Variants in WDPCP observed in about 807,000 individuals in gnomAD.
The protein encoded by WDPCP is WD repeat containing planar cell polarity effector.
WDPCP carries 71 observed loss-of-function variants against 93.1 expected under a neutral mutation model. That is an observed-to-expected ratio of 0.76 (90% confidence interval 0.63 to 0.93). The LOEUF is 0.93. Ranked by LOEUF, WDPCP falls within the 40% of genes least tolerant of loss-of-function variation. The pLI is 0.00. For missense variants in WDPCP, 844 were observed against 887.4 expected, an observed-to-expected ratio of 0.95 and a Z score of 0.62; for synonymous variants, 315 against 315.0, an observed-to-expected ratio of 1.00 and a Z score of 0.00.
intron 15 of WDPCP, among the ~76,000 whole-genome samples, chr2:63,164,819 T>G (rs998317156): frequency 5.3e-5 from 8 of 152,176 alleles, no homozygotes; most frequent in Non-Finnish European, 1.2e-4. Flanking sequence ...ATACTATTGT[T>G]GTTAAATTGA....
intron 7 of WDPCP, among the ~76,000 whole-genome samples, chr2:63,438,511 A>G (rs971093999): frequency 6.6e-6 from 1 of 152,096 alleles, no homozygotes; most frequent in African/African-American, 2.4e-5. Context: ...GAGCATCAAT[A>G]TAACAAAATC....
At position 63,126,565 on chromosome 2, in the gene WDPCP, C is replaced by CT. The variant is rs1207916340; in HGVS notation, c.2191-4510dup. Among the ~76,000 whole-genome samples the CT allele has an allele frequency of 7.9e-5, 12 of 151,752 alleles. No homozygotes were observed. The East Asian group carries it at 2.3e-3, about 29-fold the overall frequency. The stretch of plus-strand genomic sequence containing the variant: ...TGCTTCTCAAAGTAAACCTATTTCA[C>CT]TTTTTTGCCTTTGCCTTCCCAAATT... On this transcript the variant is annotated intron_variant, in intron 17 of 17. Coordinates refer to ENST00000272321, the MANE Select transcript of WDPCP (RefSeq NM_015910.7).
At chr2:63,268,773 G>A (rs886928656) in intron 13 of WDPCP, among the ~76,000 whole-genome samples, 2 of 152,050 alleles carry the variant, frequency 1.3e-5, no homozygotes, top group Middle Eastern at 3.2e-3. Context: ...ATAAGTCACT[G>A]CTCCTGGCCT....
At chr2:63,313,887 T>TATATATATA (rs1268057820) in intron 12 of WDPCP, among the ~76,000 whole-genome samples, 4 of 57,652 alleles carry the variant, frequency 6.9e-5, no homozygotes, top group Non-Finnish European at 1.5e-4. Flanking sequence ...TATATATATA[T>TATATATATA]TTTTTTTTTT....
chr2:63,313,445 T>A, intron 12 of WDPCP, 134 bp from the exon 13 acceptor site: 1 of 921,264 alleles, frequency 1.1e-6, no homozygotes, highest in Non-Finnish European at 1.7e-6. Context: ...CAGAAGGGAT[T>A]TGGCCTACTA....
chr2:63,549,985 CCA>C (rs1705460238), intron 1 of WDPCP, among the ~76,000 whole-genome samples: 1 of 152,094 alleles, frequency 6.6e-6, no homozygotes, highest in Non-Finnish European at 1.5e-5. Flanking sequence ...TCCCTCCACT[CCA>C]GACCTTTCTG....
intron 9 of WDPCP, among the ~76,000 whole-genome samples, chr2:63,413,598 C>CCTGACCT (rs1695179611): frequency 6.6e-6 from 1 of 152,064 alleles, no homozygotes; most frequent in Non-Finnish European, 1.5e-5. Context: ...GAGATCGAGA[C>CCTGACCT]CATCCTGGCT....
At chr2:63,647,022 T>C (rs1302565704) in intron 3 of WDPCP, among the ~76,000 whole-genome samples, 1 of 152,212 alleles carries the variant, frequency 6.6e-6, no homozygotes, top group Non-Finnish European at 1.5e-5. Flanking sequence ...CTACACCCTC[T>C]TTAAGGCCAT....
At chr2:63,309,836 A>T (rs1414557350) in intron 13 of WDPCP, among the ~76,000 whole-genome samples, 1 of 152,148 alleles carries the variant, frequency 6.6e-6, no homozygotes, top group East Asian at 1.9e-4. Flanking sequence ...TAAATAACAC[A>T]CTCAGACAAC....
chr2:63,752,127 A>G lies in WDPCP; in HGVS notation n.308+61495T>C, dbSNP rs971150273. On this transcript the variant is annotated intron_variant and non_coding_transcript_variant, in intron 2 of 4. Coordinates refer to the WDPCP transcript ENST00000467687. Reference sequence around the variant, plus strand: ...TAACTTCACAGGTGTGGCCATTCACACGACGGTATTTCTGAATGACAATTT... The same window carrying G: ...TAACTTCACAGGTGTGGCCATTCACGCGACGGTATTTCTGAATGACAATTT... The G allele has an allele frequency of 1.8e-5, 11 of 610,060 alleles. No individual in the cohort carries two copies. The African/African-American group carries it at 2.0e-4, about 11-fold the overall frequency. 37.8% of individuals were successfully genotyped at this position (610,060 alleles called of 1,614,324 possible).
At chr2:63,777,135 A>G (rs1265140928) in intron 2 of WDPCP, among the ~76,000 whole-genome samples, 2 of 152,246 alleles carry the variant, frequency 1.3e-5, no homozygotes, top group Non-Finnish European at 2.9e-5. Context: ...CCATGATTTG[A>G]CCATTATACA....
chr2:63,248,643 C>T (rs889237624), intron 14 of WDPCP, among the ~76,000 whole-genome samples: 2 of 152,172 alleles, frequency 1.3e-5, no homozygotes, highest in African/African-American at 4.8e-5. Flanking sequence ...CCTTCTGGGA[C>T]TCCCATAATG....
chr2:63,679,748 T>A (rs1411326312), intron 2 of WDPCP, among the ~76,000 whole-genome samples: 1 of 152,122 alleles, frequency 6.6e-6, no homozygotes, highest in Non-Finnish European at 1.5e-5. Context: ...TAGTTACTCA[T>A]AGCTTAGGGA....
chr2:63,166,570 T>C (rs1673005420), intron 15 of WDPCP, among the ~76,000 whole-genome samples: 1 of 151,934 alleles, frequency 6.6e-6, no homozygotes, highest in South Asian at 2.1e-4. Flanking sequence ...TTTTTGTATT[T>C]TTAGTAGAGA....
At chr2:63,703,515 G>A (rs1289594658) in intron 2 of WDPCP, among the ~76,000 whole-genome samples, 4 of 152,190 alleles carry the variant, frequency 2.6e-5, no homozygotes, top group Non-Finnish European at 5.9e-5. Flanking sequence ...CTGCGTAAAT[G>A]TCTTCTTTTG....
intron 12 of WDPCP, among the ~76,000 whole-genome samples, chr2:63,317,591 A>G (rs1686750938): frequency 6.6e-6 from 1 of 152,128 alleles, no homozygotes; most frequent in Admixed American, 6.6e-5. Flanking sequence ...AGATTAGAGA[A>G]CTTAGAAATA....
rs1336538658 is a variant in WDPCP, at chr2:63,187,569, A to G, written c.1916-12737T>C. The stretch of plus-strand genomic sequence containing the variant: ...GTTATAACAAATCTATTTTAGGCTA[A>G]TAACTTAATTTCAATTGCATACACA... On this transcript the variant is annotated intron_variant, in intron 14 of 17. Transcript: ENST00000272321. Among the ~76,000 whole-genome samples the G allele has an allele frequency of 4.6e-5, 7 of 152,324 alleles. No individual in the cohort carries two copies. In the East Asian group the frequency reaches 1.3e-3, roughly 29 times the overall value.
At chr2:63,589,814 T>A (rs1248210845), upstream of WDPCP, 2 of 233,202 alleles carry the variant, frequency 8.6e-6, no homozygotes, top group East Asian at 1.9e-4. Context: ...GAAGGAACTC[T>A]GGCGTAGGAA....
intron 2 of WDPCP, chr2:63,717,248 G>A (rs566841050): frequency 2.6e-5 from 14 of 538,842 alleles, no homozygotes; most frequent in South Asian, 1.0e-4. Flanking sequence ...GACCTGATGC[G>A]TAAGAAGCAG....
Sources: allele counts gnomAD v4.1 joint callset (sites outside exome capture counted in the v4.1 genomes callset), GRCh38; gene constraint gnomAD v4.1.1; transcripts MANE v1.5; gene names NCBI Gene and HGNC (gene_info 2026-07-23, HGNC 2026-07-21).